The following NEK1 variants were observed in gnomAD, a reference collection of about 807,000 sequenced individuals.
NEK1 encodes NIMA related kinase 1.
A neutral mutation model predicts 182.1 loss-of-function variants in NEK1; 137 were observed. That is an observed-to-expected ratio of 0.75 (90% CI 0.65 to 0.87). The LOEUF (loss-of-function observed/expected upper bound fraction) is 0.87, where lower values mean the gene tolerates loss of function less well. Among genes scored for constraint, NEK1 ranks in the 40% least tolerant of loss-of-function variants. The pLI is 0.00. For missense variants in NEK1, 1,391 were observed against 1,494.4 expected, an observed-to-expected ratio of 0.93 and a Z score of 1.14; for synonymous variants, 513 against 492.2, an observed-to-expected ratio of 1.04 and a Z score of -0.56.
intron 33 of NEK1, among the ~76,000 whole-genome samples, chr4:169,401,412 G>A (rs1731660851): frequency 6.6e-6 from 1 of 151,524 alleles, no homozygotes; most frequent in South Asian, 2.1e-4. Flanking sequence ...ATGGAGATTA[G>A]AATAAAAATG....
At chr4:169,462,203 A>AATG (rs1561230202) in intron 27 of NEK1, among the ~76,000 whole-genome samples, 1 of 151,898 alleles carries the variant, frequency 6.6e-6, no homozygotes, top group African/African-American at 2.4e-5. Flanking sequence ...TGCAGAGTAA[A>AATG]ATTATTATTA....
At position 169,555,877 on chromosome 4, in the gene NEK1, T is replaced by C. The variant is rs1478247529; in HGVS notation, c.1431-26A>G. The stretch of plus-strand genomic sequence containing the variant: ...CTGTAGATAAATATGCACAGTGACT[T>C]TCATTACTATCTCAGAAGCAAAGCA... On this transcript the variant is annotated intron_variant, in intron 17 of 35. Coordinates refer to ENST00000507142, the MANE Select transcript of NEK1 (RefSeq NM_001199397.3). 4 of 1,613,520 alleles carry C rather than the reference T, an allele frequency of 2.5e-6. No individual in the cohort carries two copies. The East Asian group carries it at 8.9e-5, about 36-fold the overall frequency.
rs373807813 is a variant in NEK1 at position 169,544,159 on chromosome 4, GTTA to G, written c.1563-6251_1563-6249del. ...TTAAGATCTGTTCCATCAATGCCTA[GTTA>G]TTATTTGGAAAGTAGGGCTGTTAAA... On this transcript the variant is annotated intron_variant, in intron 18 of 35. Coordinates refer to ENST00000507142, the MANE Select transcript of NEK1 (RefSeq NM_001199397.3). 1.9e-3 allele frequency among the ~76,000 whole-genome samples: 285 copies of G among 151,900 alleles called. 1 individual carries two copies. Among genetic ancestry groups the G allele is most frequent in the African/African-American group, 6.4e-3 (264 of 41,488 alleles).
chr4:169,428,351 G>GAGATATATATATATATATATAT (rs71590009), intron 29 of NEK1, among the ~76,000 whole-genome samples: 6 of 93,242 alleles, frequency 6.4e-5, no homozygotes, highest in East Asian at 9.1e-4. Context: ...AAATATATGG[G>GAGATATATATATATATATATAT]ATATATATAT....
intron 19 of NEK1, among the ~76,000 whole-genome samples, chr4:169,530,741 T>C (rs755322644): frequency 2.6e-5 from 4 of 151,300 alleles, no homozygotes; most frequent in Non-Finnish European, 5.9e-5. Context: ...TACAGAAAGA[T>C]AGCATAAGGG....
intron 19 of NEK1, among the ~76,000 whole-genome samples, chr4:169,515,324 C>T (rs1174650429): frequency 6.6e-6 from 1 of 152,084 alleles, no homozygotes; most frequent in Non-Finnish European, 1.5e-5. Flanking sequence ...TTTAGCTATT[C>T]TATATCCTTG....
At chr4:169,550,137 T>C (rs778353598) in intron 18 of NEK1, among the ~76,000 whole-genome samples, 1 of 152,196 alleles carries the variant, frequency 6.6e-6, no homozygotes, top group Non-Finnish European at 1.5e-5. Flanking sequence ...TGAATCATGA[T>C]GGCGGGTCTT....
Position 169,511,895 on chromosome 4 carries a change from T to C in NEK1, c.1666-3043A>G, listed in dbSNP as rs571902833. 2.6e-5 allele frequency among the ~76,000 whole-genome samples: 4 copies of C among 152,250 alleles called. No individual in the cohort carries two copies. The South Asian group carries it at 6.2e-4, about 24-fold the overall frequency. ...TGAGACTGAGTGTTTTCATTCAATA[T>C]AATTATATATGGTCCATCTATGGTA... On this transcript the variant is annotated intron_variant, in intron 19 of 35. Coordinates refer to ENST00000507142, the MANE Select transcript of NEK1 (RefSeq NM_001199397.3).
intron 31 of NEK1, among the ~76,000 whole-genome samples, chr4:169,424,180 T>C (rs943223871): frequency 3.3e-5 from 5 of 152,288 alleles, no homozygotes; most frequent in African/African-American, 1.2e-4. Context: ...TCTCTTAATG[T>C]TTTTATATAC....
chr4:169,457,448 A>AG (rs1743104175), intron 27 of NEK1, among the ~76,000 whole-genome samples: 3 of 151,426 alleles, frequency 2.0e-5, no homozygotes, highest in Admixed American at 6.6e-5. Context: ...CAAAGACTGG[A>AG]GAAAAAAAAA....
At chr4:169,573,373 T>C (rs1338744836) in intron 12 of NEK1, among the ~76,000 whole-genome samples, 1 of 152,100 alleles carries the variant, frequency 6.6e-6, no homozygotes, top group Non-Finnish European at 1.5e-5. Flanking sequence ...ACTGAGGAAA[T>C]ATAATAGGGT....
chr4:169,446,700 C>G (rs112037491), intron 27 of NEK1, among the ~76,000 whole-genome samples: 33 of 151,986 alleles, frequency 2.2e-4, no homozygotes, highest in African/African-American at 6.3e-4. Flanking sequence ...ATACATTTAA[C>G]AAAAAGATTG....
Position 169,424,119 on chromosome 4 carries a change from A to G in NEK1, c.3222+434T>C, listed in dbSNP as rs910181230. On this transcript the variant is annotated intron_variant, in intron 31 of 35. Transcript: ENST00000507142. ...TTGGTTACATATATTCAAAAATAGC[A>G]AGTGAGAAAAAGAGGTCCGAAAAAC... Among the ~76,000 whole-genome samples, 4 of 152,324 alleles carry G rather than the reference A, an allele frequency of 2.6e-5. No homozygotes were observed. The South Asian group carries it at 6.2e-4, about 24-fold the overall frequency.
rs1762961927 is a variant in NEK1, at chr4:169,561,863, A to G, written c.1109T>C (p.Phe370Ser). 6.2e-7 allele frequency: 1 copy of G among 1,609,568 alleles called. No individual in the cohort carries two copies. Among genetic ancestry groups the G allele is most frequent in the African/African-American group, 1.3e-5 (1 of 74,800 alleles). ...EEAARKRRLE[F>S]IEKEKKQKDQ... ...CTTTTGTTTCTTTTCTTTTTCAATAAATTCCAGCCTTCTCTTTCTTGCTGC... is the reference window on the plus strand; with the variant it reads ...CTTTTGTTTCTTTTCTTTTTCAATAGATTCCAGCCTTCTCTTTCTTGCTGC... Residue 370 changes from phenylalanine to serine, a missense_variant, in exon 14 of 36, where the codon TTT becomes TCT. This residue lies in a region of NEK1 where 1,216 missense variants were observed against 1,277.6 expected (regional missense o/e 0.95). Transcript: ENST00000507142.
At chr4:169,449,861 C>T (rs1194759875) in intron 27 of NEK1, among the ~76,000 whole-genome samples, 2 of 152,132 alleles carry the variant, frequency 1.3e-5, no homozygotes, top group South Asian at 2.1e-4. Flanking sequence ...TTCAGAAGGT[C>T]GGTAATAACA....
At chr4:169,592,829 G>A (rs1242516444) in intron 5 of NEK1, among the ~76,000 whole-genome samples, 1 of 152,062 alleles carries the variant, frequency 6.6e-6, no homozygotes, top group Non-Finnish European at 1.5e-5. Context: ...TCTCTAAGGA[G>A]TCCGTACAGT....
At chr4:169,608,834 G>A (rs1380941735) in intron 2 of NEK1, among the ~76,000 whole-genome samples, 16 of 152,020 alleles carry the variant, frequency 1.1e-4, no homozygotes, top group African/African-American at 3.6e-4. Context: ...CGAGGCAGGC[G>A]GATCACTTGA....
chr4:169,569,137 T>C (rs867699047), intron 12 of NEK1, among the ~76,000 whole-genome samples: 1 of 152,192 alleles, frequency 6.6e-6, no homozygotes, highest in Middle Eastern at 3.2e-3. Flanking sequence ...GTTATACTAC[T>C]CAAATTACTT....
intron 9 of NEK1, among the ~76,000 whole-genome samples, chr4:169,586,792 A>G (rs1302939790): frequency 6.6e-6 from 1 of 152,034 alleles, no homozygotes; most frequent in East Asian, 1.9e-4. Context: ...AATATTCCCC[A>G]AATAGTATTA....
Sources: gnomAD v4.1 joint callset for allele counts (sites outside exome capture counted in the v4.1 genomes callset) on GRCh38, gnomAD v4.1.1 for gene constraint, gnomAD v4.1.1 regional missense constraint, MANE v1.5 for transcripts, NCBI Gene and HGNC (gene_info 2026-07-23, HGNC 2026-07-21) for gene names.